CEP83: variants seen among roughly 807,000 people sequenced by gnomAD.
The protein encoded by CEP83 is centrosomal protein 83, also known as centrosomal protein of 83 kDa.
A neutral mutation model predicts 101.9 loss-of-function variants in CEP83; 70 were observed. The ratio of observed to expected loss-of-function variants is 0.69; its 90% CI spans 0.57 to 0.84. The LOEUF (loss-of-function observed/expected upper bound fraction) is 0.84, where lower values mean the gene tolerates loss of function less well. CEP83 is among the 40% of genes least tolerant of loss of function. CEP83 has a pLI of 0.00. For synonymous variants in CEP83, 264 were observed against 267.9 expected, an observed-to-expected ratio of 0.99 and a Z score of 0.14; for missense variants, 715 against 787.2, an observed-to-expected ratio of 0.91 and a Z score of 1.10.
At chr12:94,393,469 C>T (rs962461002) in intron 6 of CEP83, among the ~76,000 whole-genome samples, 12 of 152,128 alleles carry the variant, frequency 7.9e-5, no homozygotes, top group Non-Finnish European at 1.3e-4. Context: ...ATTGATGGAA[C>T]GTATCTCAAA....
upstream of CEP83, chr12:94,460,136 C>T (rs1446251546): frequency 6.6e-6 from 1 of 152,078 alleles, no homozygotes; most frequent in Admixed American, 6.6e-5. Context: ...CCTGGAGGGC[C>T]CTGGGATGGA....
chr12:94,417,096 T>C (rs1302928943), intron 2 of CEP83, among the ~76,000 whole-genome samples: 1 of 152,080 alleles, frequency 6.6e-6, no homozygotes, highest in Non-Finnish European at 1.5e-5. Flanking sequence ...GGAGGATTGG[T>C]TGAGACCAGG....
intron 2 of CEP83, among the ~76,000 whole-genome samples, chr12:94,415,087 T>C (rs953069680): frequency 2.6e-5 from 4 of 152,024 alleles, no homozygotes; most frequent in African/African-American, 7.2e-5. Flanking sequence ...TCAGAAGTTA[T>C]TGAAAGATTA....
chr12:94,401,025 G>A lies in CEP83; in HGVS notation c.418-44C>T, dbSNP rs76748645. Reference sequence around the variant, plus strand: ...TATCATAGATTTATAAACAAAATTCGTACTCACTCCAATAGTCACTTTTAC... The same window carrying A: ...TATCATAGATTTATAAACAAAATTCATACTCACTCCAATAGTCACTTTTAC... On this transcript the variant is annotated intron_variant, in intron 5 of 16. Transcript: ENST00000397809. The A allele has an allele frequency of 0.05, 56,687 of 1,142,072 alleles. 1,598 individuals are homozygous for A. The highest frequency in any genetic ancestry group is 0.094 in the Admixed American group (3,127 of 33,294). 70.7% of individuals were successfully genotyped at this position (1,142,072 alleles called of 1,614,324 possible). A position where few individuals can be genotyped will look rare whatever the true frequency, so the allele number is the denominator to read the frequency against.
chr12:94,295,691 A>G, the CEP83 span, among the ~76,000 whole-genome samples: 1 of 152,124 alleles, frequency 6.6e-6, no homozygotes, highest in African/African-American at 2.4e-5. Flanking sequence ...CTGACCCTAC[A>G]GCTAGGGAGC....
chr12:94,367,990 G>A, intron 10 of CEP83, 47 bp from the exon 11 acceptor site: 1 of 1,604,080 alleles, frequency 6.2e-7, no homozygotes, highest in South Asian at 1.1e-5. Context: ...TAATAAAGAT[G>A]ATATGACAGC....
At chr12:94,343,400 CAG>C (rs2059779217) in intron 11 of CEP83, among the ~76,000 whole-genome samples, 1 of 149,570 alleles carries the variant, frequency 6.7e-6, no homozygotes, top group South Asian at 2.1e-4. Flanking sequence ...AAAGAAACAT[CAG>C]AGTGTTCCAC....
At chr12:94,331,869 G>A (rs1455286003) in intron 13 of CEP83, 40 bp from the exon 14 acceptor site, 1 of 1,578,180 alleles carries the variant, frequency 6.3e-7, no homozygotes, top group African/African-American at 1.3e-5. Flanking sequence ...AGTTAAATAA[G>A]TTCTTAGGAT....
rs1426391771 is a variant in CEP83, at chr12:94,308,863, CCAG to C, written c.2053_2055del (p.Leu685del). On this transcript the variant is annotated inframe_deletion, in exon 17 of 17. Transcript: ENST00000397809. ...TCTAGTTGTTTTCTTTGTGTTGTTTCCAGTTCTTCTAGTCTTTTGCGAAGTAGA... is the reference window on the plus strand; with the variant it reads ...TCTAGTTGTTTTCTTTGTGTTGTTTCTTCTTCTAGTCTTTTGCGAAGTAGA... The C allele has an allele frequency of 6.2e-7, 1 of 1,612,822 alleles. No homozygotes were observed. Among genetic ancestry groups the C allele is most frequent in the East Asian group, 2.2e-5 (1 of 44,854 alleles).
At chr12:94,428,513 G>T (rs68122601) in intron 2 of CEP83, among the ~76,000 whole-genome samples, 29,172 of 152,098 alleles carry the variant, frequency 0.19, 2,995 homozygotes, top group African/African-American at 0.26. Flanking sequence ...GATTTATGCC[G>T]TAATCTGAAA....
intron 1 of CEP83, among the ~76,000 whole-genome samples, chr12:94,458,967 ACT>A (rs1184583866): frequency 6.6e-6 from 1 of 152,148 alleles, no homozygotes; most frequent in East Asian, 1.9e-4. Flanking sequence ...TTAACAACCC[ACT>A]CTGTTTTAGA....
intron 1 of CEP83, among the ~76,000 whole-genome samples, chr12:94,453,376 A>C (rs1488321139): frequency 6.6e-6 from 1 of 152,174 alleles, no homozygotes; most frequent in African/African-American, 2.4e-5. Flanking sequence ...CTACAACTAC[A>C]CTTACAAGAT....
Position 94,344,956 on chromosome 12 carries a change from G to A in CEP83, c.1344-9292C>T, listed in dbSNP as rs2059862925. ...ACAGTAATCAAAATGGTATGATACT[G>A]GTGTAAAGACAAGATCAGTAAAATA... is the stretch of plus-strand genomic sequence containing the variant. On this transcript the variant is annotated intron_variant, in intron 11 of 16. Coordinates refer to ENST00000397809, the MANE Select transcript of CEP83 (RefSeq NM_016122.3). Among the ~76,000 whole-genome samples, 3 of 152,088 alleles carry A rather than the reference G, an allele frequency of 2.0e-5. 1 individual carries two copies. In the South Asian group the frequency reaches 6.2e-4, roughly 32 times the overall value.
At chr12:94,355,040 A>C (rs1446622161) in intron 11 of CEP83, among the ~76,000 whole-genome samples, 1 of 152,118 alleles carries the variant, frequency 6.6e-6, no homozygotes, top group Admixed American at 6.6e-5. Context: ...ATTTCTTAAA[A>C]ACAAATAAAT....
chr12:94,423,378 C>G (rs989712422), intron 2 of CEP83, among the ~76,000 whole-genome samples: 1 of 151,876 alleles, frequency 6.6e-6, no homozygotes, highest in African/African-American at 2.4e-5. Context: ...GCCACCATGT[C>G]CAGCCAACAT....
intron 14 of CEP83, among the ~76,000 whole-genome samples, chr12:94,317,957 A>C (rs995799184): frequency 6.6e-6 from 1 of 152,194 alleles, no homozygotes; most frequent in Non-Finnish European, 1.5e-5. Context: ...AGTTCCATGA[A>C]GAATGCCATT....
At chr12:94,290,025 C>T in the CEP83 span, among the ~76,000 whole-genome samples, 1 of 152,196 alleles carries the variant, frequency 6.6e-6, no homozygotes, top group Non-Finnish European at 1.5e-5. Context: ...CTTTTGGCAG[C>T]GTTCCTTATC....
intron 4 of CEP83, among the ~76,000 whole-genome samples, chr12:94,409,735 A>G (rs1377312869): frequency 1.3e-5 from 2 of 152,126 alleles, no homozygotes; most frequent in Non-Finnish European, 2.9e-5. Flanking sequence ...TGCTCCCCCT[A>G]AAATCTGCAG....
chr12:94,286,090 G>A, the CEP83 span, among the ~76,000 whole-genome samples: 3 of 152,174 alleles, frequency 2.0e-5, no homozygotes, highest in South Asian at 2.1e-4. Context: ...TGCAGACATC[G>A]GCCGTGCTAG....
Sources: allele counts gnomAD v4.1 joint callset (sites outside exome capture counted in the v4.1 genomes callset), GRCh38; gene constraint gnomAD v4.1.1; transcripts MANE v1.5; gene names NCBI Gene and HGNC (gene_info 2026-07-23, HGNC 2026-07-21).